The following PSG7 variants were observed in gnomAD, a reference collection of about 807,000 sequenced individuals.
PSG7 encodes pregnancy-specific beta-1-glycoprotein 7.
In PSG7, 57 loss-of-function variants were observed where a neutral mutation model predicts 45.6. The ratio of observed to expected loss-of-function variants is 1.25; its 90% CI spans 1.01 to 1.56. PSG7 has a LOEUF of 1.56. Ranked by LOEUF, PSG7 falls within the 40% of genes most tolerant of loss-of-function variation. The probability of loss-of-function intolerance (pLI) is 0.00; values close to 1 mark genes in which losing one functional copy is unlikely to be tolerated. For missense variants in PSG7, 796 were observed against 508.4 expected (o/e 1.57, Z -5.44); for synonymous variants, 298 against 194.4 (o/e 1.53, Z -4.43).
At chr19:42,932,314 A>G (rs1413890480) in intron 2 of PSG7, among the ~76,000 whole-genome samples, 1 of 151,532 alleles carries the variant, frequency 6.6e-6, no homozygotes, top group Non-Finnish European at 1.5e-5. Flanking sequence ...CACTGTGCCC[A>G]GCCATCTCTG....
chr19:42,934,258 C>T (rs1182699399), intron 2 of PSG7, among the ~76,000 whole-genome samples: 1 of 151,376 alleles, frequency 6.6e-6, no homozygotes, highest in Non-Finnish European at 1.5e-5. Context: ...TGATTTAGTT[C>T]TGGAGTGCAG....
chr19:42,937,078 G>A lies in PSG7; in HGVS notation c.-2C>T, dbSNP rs375126227. The A allele has an allele frequency of 5.0e-6, 8 of 1,610,776 alleles. No homozygotes were observed. The highest frequency in any genetic ancestry group is 1.3e-5 in the African/African-American group (1 of 74,600). On this transcript the variant is annotated 5_prime_UTR_variant, in exon 1 of 6. Coordinates refer to ENST00000406070, the MANE Select transcript of PSG7 (RefSeq NM_002783.3). Reference sequence around the variant, plus strand: ...GGGAGGGGCTGAGAGGGGCCCCATGGTCTCTGCTCCCTGCGTGTTCTCCTC... The same window carrying A: ...GGGAGGGGCTGAGAGGGGCCCCATGATCTCTGCTCCCTGCGTGTTCTCCTC...
At chr19:42,928,021 A>G (rs1436062467) in intron 3 of PSG7, among the ~76,000 whole-genome samples, 3 of 151,716 alleles carry the variant, frequency 2.0e-5, no homozygotes, top group African/African-American at 7.3e-5. Context: ...ATTTCTTTTC[A>G]GCATCAGATT....
intron 3 of PSG7, among the ~76,000 whole-genome samples, chr19:42,927,826 C>G (rs1036850497): frequency 6.6e-6 from 1 of 151,522 alleles, no homozygotes; most frequent in African/African-American, 2.4e-5. Flanking sequence ...TGGGGAGTTT[C>G]TAGAGATCTG....
intron 3 of PSG7, among the ~76,000 whole-genome samples, chr19:42,928,037 G>C (rs539629784): frequency 6.6e-6 from 1 of 151,688 alleles, no homozygotes; most frequent in Middle Eastern, 3.4e-3. Context: ...AGATTAGTAG[G>C]CATAAGTGGG....
rs1200499154 is a variant in PSG7 at position 42,932,597 on chromosome 19, C to T, written c.430+2807G>A. 1.3e-5 allele frequency among the ~76,000 whole-genome samples: 2 copies of T among 151,502 alleles called. 1 individual carries two copies. Among genetic ancestry groups the T allele is most frequent in the Non-Finnish European group, 2.9e-5 (2 of 67,884 alleles). On this transcript the variant is annotated intron_variant, in intron 2 of 5. Transcript: ENST00000406070. ...GATTACAACAGTGACAGCAAACTAGCGTGGCTGACTCCATCTGGCATCTAG... is the reference window on the plus strand; with the variant it reads ...GATTACAACAGTGACAGCAAACTAGTGTGGCTGACTCCATCTGGCATCTAG...
At chr19:42,931,197 G>A (rs1056638686) in intron 2 of PSG7, among the ~76,000 whole-genome samples, 2 of 151,518 alleles carry the variant, frequency 1.3e-5, no homozygotes, top group Non-Finnish European at 2.9e-5. Flanking sequence ...ACATTAAAAT[G>A]TTTTCATTAG....
At position 42,925,761 on chromosome 19, in the gene PSG7, G is replaced by A. The variant is rs1972867875; in HGVS notation, c.1243+12C>T. The stretch of plus-strand genomic sequence containing the variant: ...TAAAACCCTATTGCCAAGGATGCTG[G>A]GATCCACTTACCAGAGACTCTGACT... On this transcript the variant is annotated intron_variant, in intron 5 of 5. Coordinates refer to ENST00000406070, the MANE Select transcript of PSG7 (RefSeq NM_002783.3). 1.2e-6 allele frequency: 2 copies of A among 1,611,826 alleles called. No individual in the cohort carries two copies. Among genetic ancestry groups the A allele is most frequent in the Non-Finnish European group, 1.7e-6 (2 of 1,178,958 alleles).
chr19:42,929,799 A>G, intron 2 of PSG7, 79 bp from the exon 3 acceptor site: 1 of 1,536,358 alleles, frequency 6.5e-7, no homozygotes, highest in Non-Finnish European at 8.8e-7. Flanking sequence ...CAGAGTTGGC[A>G]TTTCCAACCT....
intron 3 of PSG7, 104 bp from the exon 4 acceptor site, chr19:42,926,820 G>A: frequency 1.3e-6 from 2 of 1,533,192 alleles, no homozygotes; most frequent in Non-Finnish European, 1.8e-6. Flanking sequence ...ACACGTGTGA[G>A]TCCTTGAAAG....
chr19:42,933,454 A>G (rs1438612166), intron 2 of PSG7, among the ~76,000 whole-genome samples: 5 of 148,364 alleles, frequency 3.4e-5, no homozygotes, highest in South Asian at 4.4e-4. Context: ...CCCTGGATGG[A>G]AATACAGTGG....
chr19:42,924,529 A>G lies in PSG7; in HGVS notation c.*279T>C, dbSNP rs2122666608. The G allele has an allele frequency of 1.7e-6, 1 of 592,212 alleles. No individual in the cohort carries two copies. The highest frequency in any genetic ancestry group is 2.2e-5 in the South Asian group (1 of 45,548). The allele number at this position is 592,212 out of a possible 1,614,324, so 36.7% of individuals were successfully genotyped here. A position where few individuals can be genotyped will look rare whatever the true frequency, so the allele number is the denominator to read the frequency against. On this transcript the variant is annotated 3_prime_UTR_variant, in exon 6 of 6. Transcript: ENST00000406070. ...AGCAAGGACAGCTAAGAGGGGTGAG[A>G]GCCTCATCATGATGGGGAGTCTTAT...
chr19:42,931,402 A>T (rs1973016200), intron 2 of PSG7, among the ~76,000 whole-genome samples: 1 of 151,642 alleles, frequency 6.6e-6, no homozygotes, highest in Admixed American at 6.6e-5. Context: ...AGAACTGGTC[A>T]GTGCATCAAT....
intron 1 of PSG7, among the ~76,000 whole-genome samples, chr19:42,936,802 C>T (rs970119623): frequency 7.9e-5 from 12 of 151,434 alleles, no homozygotes; most frequent in African/African-American, 2.4e-4. Context: ...AGCACACCAC[C>T]ATACCTGGTT....
chr19:42,929,889 A>T (rs574692626), intron 2 of PSG7, among the ~76,000 whole-genome samples, 169 bp from the exon 3 acceptor site: 12 of 151,572 alleles, frequency 7.9e-5, no homozygotes, highest in Middle Eastern at 3.4e-3. Flanking sequence ...GAGGGCTCAG[A>T]GATTGTGAGG....
chr19:42,933,307 A>ATATATATT (rs56691588), intron 2 of PSG7, among the ~76,000 whole-genome samples: 24 of 13,486 alleles, frequency 1.8e-3, no homozygotes, highest in South Asian at 7.0e-3. Flanking sequence ...ATATATATAT[A>ATATATATT]TTTTTTTTTT....
chr19:42,928,533 C>T (rs1972944819), intron 3 of PSG7, among the ~76,000 whole-genome samples: 1 of 151,258 alleles, frequency 6.6e-6, no homozygotes, highest in African/African-American at 2.4e-5. Flanking sequence ...TATTTTATTC[C>T]TTTTGATGTT....
chr19:42,924,422 T>C lies in PSG7; in HGVS notation c.*386A>G. ...GGTTGAGATGACATATCTGACACTC[T>C]GTTGTTACCCTCAGAAGCTCCTATA... On this transcript the variant is annotated 3_prime_UTR_variant, in exon 6 of 6. Coordinates refer to ENST00000406070, the MANE Select transcript of PSG7 (RefSeq NM_002783.3). 2.1e-6 allele frequency: 1 copy of C among 471,604 alleles called. No homozygotes were observed. The highest frequency in any genetic ancestry group is 3.7e-6 in the Non-Finnish European group (1 of 271,136). 29.2% of individuals were successfully genotyped at this position (471,604 alleles called of 1,614,324 possible). A position where few individuals can be genotyped will look rare whatever the true frequency, so the allele number is the denominator to read the frequency against.
chr19:42,925,132 C>G lies in PSG7; in HGVS notation c.1244-308G>C, dbSNP rs540036519. ...TACAAAACTCTTGAGAATAGGAAGC[C>G]AAACCAAGGCTGACTTCAGAGTTTG... is the stretch of plus-strand genomic sequence containing the variant. On this transcript the variant is annotated intron_variant, in intron 5 of 5. Transcript: ENST00000406070. The G allele has an allele frequency of 1.2e-5, 5 of 427,032 alleles. No individual in the cohort carries two copies. The Admixed American group carries it at 1.2e-4, about 10-fold the overall frequency. 26.5% of individuals were successfully genotyped at this position (427,032 alleles called of 1,614,324 possible).
Sources: allele counts gnomAD v4.1 joint callset (sites outside exome capture counted in the v4.1 genomes callset), GRCh38; gene constraint gnomAD v4.1.1; transcripts MANE v1.5; gene names NCBI Gene and HGNC (gene_info 2026-07-23, HGNC 2026-07-21).